Variants in ADCY5 observed in about 807,000 individuals in gnomAD.
ADCY5 encodes the protein adenylate cyclase type 5.
Under a neutral mutation model 119.7 loss-of-function variants are expected in ADCY5, and 30 were observed. The ratio of observed to expected loss-of-function variants is 0.25; its 90% CI spans 0.19 to 0.34. The LOEUF is 0.34. ADCY5 is among the 10% of genes least tolerant of loss of function. The pLI, the probability that ADCY5 is intolerant of heterozygous loss-of-function variation, is 1.00. For synonymous variants in ADCY5, 753 were observed against 762.2 expected (o/e 0.99, Z 0.20); for missense variants, 1,324 against 1,775.2 (o/e 0.75, Z 4.57).
In ADCY5 at chr3:123,435,356, G is replaced by T. The variant is rs77453730; in HGVS notation, c.1134+12056C>A. 3.7e-3 allele frequency among the ~76,000 whole-genome samples: 557 copies of T among 152,300 alleles called. 5 individuals carry two copies. Among genetic ancestry groups the T allele is most frequent in the Middle Eastern group, 0.014 (4 of 294 alleles). ...GAGTTTTAGATGCTTGAGCACAGTG[G>T]TGTGGGCTGGTTTCATCTGAATAGT... On this transcript the variant is annotated intron_variant, in intron 1 of 20. Transcript: ENST00000462833.
intron 3 of ADCY5, among the ~76,000 whole-genome samples, chr3:123,340,700 C>T (rs188372297): frequency 6.6e-6 from 1 of 152,234 alleles, no homozygotes; most frequent in East Asian, 1.9e-4. Flanking sequence ...GAATTCGAAC[C>T]CTTGTGCACT....
Position 123,352,656 on chromosome 3 carries a change from C to T in ADCY5, c.1135-75G>A. The T allele has an allele frequency of 4.0e-6, 6 of 1,495,816 alleles. No individual in the cohort carries two copies. The South Asian group carries it at 7.9e-5, about 20-fold the overall frequency. The allele number at this position is 1,495,816 out of a possible 1,614,324, so 92.7% of individuals were successfully genotyped here. ...CCCCAAAGCATGAAGCCCTCAGCCC[C>T]TGTCTCAGCAAACTCACACCTGGCG... is the stretch of plus-strand genomic sequence containing the variant. On this transcript the variant is annotated intron_variant, in intron 1 of 20. Transcript: ENST00000462833. This position sits in a 1 kb window ranked among gnomAD's most constrained non-coding sequence, Gnocchi z 4.8.
chr3:123,305,293 G>T lies in ADCY5; in HGVS notation c.2443-1110C>A, dbSNP rs144283314. Among the ~76,000 whole-genome samples, 14 of 152,290 alleles carry T rather than the reference G, an allele frequency of 9.2e-5. No individual in the cohort carries two copies. In the South Asian group the frequency reaches 2.7e-3, roughly 29 times the overall value. On this transcript the variant is annotated intron_variant, in intron 12 of 20. Coordinates refer to ENST00000462833, the MANE Select transcript of ADCY5 (RefSeq NM_183357.3). ...CTTGCTTAAACTGCCAGACCACAAG[G>T]CTTCTCCATCCCGATACTGACAGCA...
intron 11 of ADCY5, 103 bp from the exon 12 acceptor site, chr3:123,314,425 T>C: frequency 4.8e-6 from 4 of 835,376 alleles, no homozygotes; most frequent in Non-Finnish European, 7.6e-6. Flanking sequence ...CCCGTGCCCA[T>C]CCTCACAGCT....
In ADCY5 at chr3:123,282,443, ACACTGTCACCAGT is replaced by A; in HGVS notation, c.*2152_*2164del. 1 of 152,466 alleles carries A rather than the reference ACACTGTCACCAGT, an allele frequency of 6.6e-6. No homozygotes were observed. The highest frequency in any genetic ancestry group is 1.5e-5 in the Non-Finnish European group (1 of 68,104). The allele number at this position is 152,466 out of a possible 1,614,324, so 9.4% of individuals were successfully genotyped here. On this transcript the variant is annotated 3_prime_UTR_variant, in exon 21 of 21. Coordinates refer to ENST00000462833, the MANE Select transcript of ADCY5 (RefSeq NM_183357.3). The stretch of plus-strand genomic sequence containing the variant: ...AACGAAGAGCTAGCACTGCACCTGC[ACACTGTCACCAGT>A]CACTGCTGGGATGGGAGAGGGGTCC...
chr3:123,394,186 C>T (rs1241398281), intron 1 of ADCY5, among the ~76,000 whole-genome samples: 3 of 152,138 alleles, frequency 2.0e-5, no homozygotes, highest in Non-Finnish European at 4.4e-5. Context: ...AAGAGATACA[C>T]ATAATTTTCT....
At chr3:123,317,331 ATT>A (rs11427256) in intron 11 of ADCY5, among the ~76,000 whole-genome samples, 17 of 146,918 alleles carry the variant, frequency 1.2e-4, no homozygotes, top group Admixed American at 2.0e-4. Flanking sequence ...TCTTTTGAAG[ATT>A]TTTTTTTTTT....
chr3:123,429,739 T>C (rs934435642), intron 1 of ADCY5, among the ~76,000 whole-genome samples: 1 of 152,158 alleles, frequency 6.6e-6, no homozygotes, highest in African/African-American at 2.4e-5. Flanking sequence ...ATGGGCTGCA[T>C]ATGCACCATC....
chr3:123,410,567 A>G (rs1474658188), intron 1 of ADCY5, among the ~76,000 whole-genome samples: 2 of 152,244 alleles, frequency 1.3e-5, no homozygotes, highest in African/African-American at 4.8e-5. Flanking sequence ...TGCAGTAAGA[A>G]TGAAATCTAA....
chr3:123,446,537 G>T (rs1441935038), intron 1 of ADCY5, among the ~76,000 whole-genome samples: 3 of 152,332 alleles, frequency 2.0e-5, no homozygotes, highest in East Asian at 1.9e-4. Context: ...TGGCAGGGGG[G>T]CTCCTCTCAC....
chr3:123,329,220 C>T (rs1026719683), intron 5 of ADCY5, among the ~76,000 whole-genome samples: 1 of 152,196 alleles, frequency 6.6e-6, no homozygotes, highest in Admixed American at 6.5e-5. Flanking sequence ...ACAGAAATGG[C>T]TTTTGGATTA....
Position 123,286,637 on chromosome 3 carries a change from C to T in ADCY5, c.3657+48G>A. On this transcript the variant is annotated intron_variant, in intron 20 of 20. Transcript: ENST00000462833. The surrounding 1 kb of genome is among the most constrained non-coding windows in gnomAD (Gnocchi z 4.2). ...GCCCTGAAGACCTCTCGGTGTCAGA[C>T]ACAGGACCTCCCATGGGGTGAGGGG... The T allele has an allele frequency of 6.5e-7, 1 of 1,545,934 alleles. No individual in the cohort carries two copies. Among genetic ancestry groups the T allele is most frequent in the Non-Finnish European group, 8.7e-7 (1 of 1,151,186 alleles).
At chr3:123,371,847 C>T (rs1259013598) in intron 1 of ADCY5, among the ~76,000 whole-genome samples, 1 of 152,260 alleles carries the variant, frequency 6.6e-6, no homozygotes, top group Non-Finnish European at 1.5e-5. Flanking sequence ...CCAGGGCCTC[C>T]CCTCAGGGAT....
chr3:123,420,559 C>T (rs555824670), intron 1 of ADCY5, among the ~76,000 whole-genome samples: 17 of 152,330 alleles, frequency 1.1e-4, no homozygotes, highest in East Asian at 9.6e-4. Context: ...TTCTCCTACA[C>T]GGCCAAGAGC....
At chr3:123,347,689 G>A (rs570897176) in intron 3 of ADCY5, 93 bp downstream of exon 3, 3 of 1,473,558 alleles carry the variant, frequency 2.0e-6, no homozygotes, top group African/African-American at 1.8e-5. Context: ...AAGCCACCCT[G>A]TCGGGCTGTG....
intron 12 of ADCY5, among the ~76,000 whole-genome samples, chr3:123,311,392 C>T (rs1940569608): frequency 6.6e-6 from 1 of 152,204 alleles, no homozygotes; most frequent in African/African-American, 2.4e-5. Context: ...CAGACATTCA[C>T]AGCGGGGAAG....
intron 1 of ADCY5, among the ~76,000 whole-genome samples, chr3:123,371,486 G>A (rs771201145): frequency 1.3e-5 from 2 of 152,228 alleles, no homozygotes; most frequent in Non-Finnish European, 1.5e-5. Context: ...TCGGCAATTT[G>A]TCAACTGTCT....
At chr3:123,319,651 C>T (rs1156708548) in intron 10 of ADCY5, 23 bp downstream of exon 10, 1 of 1,611,372 alleles carries the variant, frequency 6.2e-7, no homozygotes, top group Non-Finnish European at 8.5e-7. Flanking sequence ...ACAGGGGCCT[C>T]CTTCCCACCC....
At chr3:123,438,373 C>T (rs1343350410) in intron 1 of ADCY5, among the ~76,000 whole-genome samples, 1 of 152,058 alleles carries the variant, frequency 6.6e-6, no homozygotes, top group African/African-American at 2.4e-5. Flanking sequence ...TAAAATAGTC[C>T]CCCTCTAACC....
Sources: allele counts gnomAD v4.1 joint callset (sites outside exome capture counted in the v4.1 genomes callset), GRCh38; gene constraint gnomAD v4.1.1; non-coding constraint Gnocchi (gnomAD v3.1); transcripts MANE v1.5; gene names NCBI Gene and HGNC (gene_info 2026-07-23, HGNC 2026-07-21).